SAMD5: variants seen among roughly 807,000 people sequenced by gnomAD.
SAMD5 encodes sterile alpha motif domain-containing protein 5.
SAMD5 carries 13 observed loss-of-function variants against 11.3 expected under a neutral mutation model. That is an observed-to-expected ratio of 1.15 (90% CI 0.75 to 1.83). The LOEUF (loss-of-function observed/expected upper bound fraction) is 1.83, where lower values mean the gene tolerates loss of function less well. Among genes scored for constraint, SAMD5 ranks in the 40% most tolerant of loss-of-function variants. The pLI is 0.00. For synonymous variants in SAMD5, 129 were observed against 111.3 expected (o/e 1.16, Z -1.00); for missense variants, 255 against 239.1 (o/e 1.07, Z -0.44).
At chr6:147,607,360 C>G (rs1470556866) in intron 1 of SAMD5, among the ~76,000 whole-genome samples, 2 of 152,054 alleles carry the variant, frequency 1.3e-5, no homozygotes, top group Non-Finnish European at 2.9e-5. Context: ...CCACAAAAGA[C>G]CTAGGACCAA....
chr6:147,679,508 A>T (rs1398541052), intron 1 of SAMD5, among the ~76,000 whole-genome samples: 1 of 152,040 alleles, frequency 6.6e-6, no homozygotes, highest in South Asian at 2.1e-4. Context: ...TTTTCATATT[A>T]TTGAGTTTTG....
chr6:147,905,663 A>T, the SAMD5 span, among the ~76,000 whole-genome samples: 4 of 152,214 alleles, frequency 2.6e-5, no homozygotes, highest in Non-Finnish European at 5.9e-5. Flanking sequence ...ACTTAGGTCT[A>T]CTTAAAACCA....
chr6:147,861,613 T>C, the SAMD5 span, among the ~76,000 whole-genome samples: 1 of 152,326 alleles, frequency 6.6e-6, no homozygotes, highest in Admixed American at 6.5e-5. Flanking sequence ...TTGAACCTGA[T>C]GCTCAGGGCC....
At chr6:147,689,101 A>G (rs1471092855) in intron 1 of SAMD5, among the ~76,000 whole-genome samples, 1 of 152,166 alleles carries the variant, frequency 6.6e-6, no homozygotes, top group Non-Finnish European at 1.5e-5. Flanking sequence ...TTTGAATCAA[A>G]GGAGTAGAGT....
intron 1 of SAMD5, among the ~76,000 whole-genome samples, chr6:147,666,758 G>A (rs979851569): frequency 6.6e-6 from 1 of 152,182 alleles, no homozygotes; most frequent in African/African-American, 2.4e-5. Context: ...CCATAGACAA[G>A]AAGTAAATCC....
intron 1 of SAMD5, among the ~76,000 whole-genome samples, chr6:147,681,534 T>C (rs754987319): frequency 2.6e-5 from 4 of 152,206 alleles, no homozygotes; most frequent in African/African-American, 7.2e-5. Context: ...TGATTCCGAT[T>C]GATTATTTTT....
chr6:147,862,557 C>T, the SAMD5 span, among the ~76,000 whole-genome samples: 3 of 152,170 alleles, frequency 2.0e-5, no homozygotes, highest in Non-Finnish European at 2.9e-5. Context: ...ACTTGCACCC[C>T]GGGAGCTGGG....
the SAMD5 span, among the ~76,000 whole-genome samples, chr6:147,909,145 G>A: frequency 6.6e-6 from 1 of 152,230 alleles, no homozygotes; most frequent in South Asian, 2.1e-4. Flanking sequence ...CGAGGTTGAG[G>A]CTGCAGTGAG....
At chr6:147,916,319 A>T in the SAMD5 span, among the ~76,000 whole-genome samples, 1 of 152,074 alleles carries the variant, frequency 6.6e-6, no homozygotes, top group African/African-American at 2.4e-5. Context: ...ATCCTTGAGG[A>T]ATCGCCACAC....
At chr6:147,918,845 C>A in the SAMD5 span, among the ~76,000 whole-genome samples, 1 of 151,918 alleles carries the variant, frequency 6.6e-6, no homozygotes, top group East Asian at 1.9e-4. Flanking sequence ...GCTGGGACTA[C>A]AGGCACGTGC....
chr6:147,736,602 C>G (rs1054392880), intron 1 of SAMD5, among the ~76,000 whole-genome samples: 1 of 152,066 alleles, frequency 6.6e-6, no homozygotes, highest in Non-Finnish European at 1.5e-5. Flanking sequence ...ATACATGTAC[C>G]AACTATTTAC....
chr6:147,606,402 A>G (rs1470611364), intron 1 of SAMD5, among the ~76,000 whole-genome samples: 1 of 151,980 alleles, frequency 6.6e-6, no homozygotes, highest in East Asian at 1.9e-4. Context: ...ATAAAACTAA[A>G]CAGAACAAAA....
the SAMD5 span, among the ~76,000 whole-genome samples, chr6:147,930,569 T>C: frequency 6.6e-6 from 1 of 152,130 alleles, no homozygotes; most frequent in Non-Finnish European, 1.5e-5. Flanking sequence ...TGGAGAATGA[T>C]AGAAGCATGG....
chr6:147,798,071 G>C, the SAMD5 span, among the ~76,000 whole-genome samples: 2 of 147,504 alleles, frequency 1.4e-5, no homozygotes, highest in South Asian at 4.4e-4. Context: ...ATTTCCTTCA[G>C]TTCTGCTCTG....
rs184468226 is a variant in SAMD5 at position 147,595,895 on chromosome 6, A to G, written c.162+86508A>G. ...CATGTTTCAATTTTCTTACCTGGAA[A>G]ATAGTGATAACAGGGGCCCTATATA... On this transcript the variant is annotated intron_variant, in intron 1 of 1. Transcript: ENST00000566741. Among the ~76,000 whole-genome samples, 21 of 152,246 alleles carry G rather than the reference A, an allele frequency of 1.4e-4. No homozygotes were observed. The East Asian group carries it at 4.1e-3, about 29-fold the overall frequency.
chr6:147,816,301 A>AAATATATATATATAT, the SAMD5 span, among the ~76,000 whole-genome samples: 55 of 66,354 alleles, frequency 8.3e-4, no homozygotes, highest in Non-Finnish European at 1.0e-3. Context: ...AAAAAAAAAA[A>AAATATATATATATAT]ATATATATAT....
chr6:147,781,879 G>C, the SAMD5 span, among the ~76,000 whole-genome samples: 1 of 151,754 alleles, frequency 6.6e-6, no homozygotes, highest in East Asian at 1.9e-4. Context: ...GATGGTGGTT[G>C]TGGTGGTGGT....
At chr6:147,703,039 T>A (rs1791276152) in intron 1 of SAMD5, among the ~76,000 whole-genome samples, 1 of 152,116 alleles carries the variant, frequency 6.6e-6, no homozygotes, top group Non-Finnish European at 1.5e-5. Flanking sequence ...CAATACCTTG[T>A]CTGTTCATTC....
chr6:147,533,329 G>T (rs1277272622), intron 1 of SAMD5, among the ~76,000 whole-genome samples: 2 of 151,862 alleles, frequency 1.3e-5, no homozygotes, highest in Non-Finnish European at 2.9e-5. Flanking sequence ...GGGCGCAGTG[G>T]CTCCTGCCTG....
Sources: gnomAD v4.1 joint callset for allele counts (sites outside exome capture counted in the v4.1 genomes callset) on GRCh38, gnomAD v4.1.1 for gene constraint, MANE v1.5 for transcripts, NCBI Gene and HGNC (gene_info 2026-07-23, HGNC 2026-07-21) for gene names.